NPAS2: variants seen among roughly 807,000 people sequenced by gnomAD.
NPAS2 encodes the protein neuronal PAS domain-containing protein 2.
Under a neutral mutation model 107.5 loss-of-function variants are expected in NPAS2, and 23 were observed. The ratio of observed to expected loss-of-function variants is 0.21; its 90% CI spans 0.15 to 0.30. The LOEUF (loss-of-function observed/expected upper bound fraction) is 0.30, where lower values mean the gene tolerates loss of function less well. Ranked by LOEUF, NPAS2 falls within the 10% of genes least tolerant of loss-of-function variation. The pLI is 1.00. For synonymous variants in NPAS2, 403 were observed against 417.5 expected (o/e 0.97, Z 0.42); for missense variants, 756 against 1,043.3 (o/e 0.72, Z 3.79).
At chr2:100,945,031 T>G (rs1674801204) in intron 5 of NPAS2, among the ~76,000 whole-genome samples, 1 of 152,160 alleles carries the variant, frequency 6.6e-6, no homozygotes, top group Admixed American at 6.5e-5. Flanking sequence ...TCTGTGAACA[T>G]GAGTCATCTT....
At chr2:100,963,974 G>T (rs1676065748) in intron 7 of NPAS2, 84 bp from the exon 8 acceptor site, 3 of 805,928 alleles carry the variant, frequency 3.7e-6, no homozygotes, top group Non-Finnish European at 4.3e-6. Context: ...GCAGCGCTTG[G>T]CTTACAGTTA....
intron 5 of NPAS2, among the ~76,000 whole-genome samples, chr2:100,946,080 G>T (rs547156386): frequency 6.6e-6 from 1 of 152,326 alleles, no homozygotes; most frequent in African/African-American, 2.4e-5. Context: ...CTGTGGTGCA[G>T]GTGCCCTTGT....
At chr2:100,977,641 C>A in intron 14 of NPAS2, 69 bp from the exon 15 acceptor site, 1 of 1,394,244 alleles carries the variant, frequency 7.2e-7, no homozygotes, top group Non-Finnish European at 1.0e-6. Flanking sequence ...CCCACCGGAC[C>A]AAGAGACCAC....
chr2:100,886,100 C>T (rs1272278309), intron 1 of NPAS2, among the ~76,000 whole-genome samples: 3 of 152,202 alleles, frequency 2.0e-5, no homozygotes, highest in Non-Finnish European at 2.9e-5. Context: ...GTTGTGGTCG[C>T]CTGGAAACCA....
chr2:100,964,447 G>A (rs893037228), intron 8 of NPAS2, among the ~76,000 whole-genome samples: 2 of 152,212 alleles, frequency 1.3e-5, no homozygotes, highest in Admixed American at 6.5e-5. Flanking sequence ...TTTCACACCG[G>A]CGTTAATACC....
At chr2:100,861,502 T>G (rs557263737) in intron 1 of NPAS2, among the ~76,000 whole-genome samples, 1 of 152,216 alleles carries the variant, frequency 6.6e-6, no homozygotes, top group African/African-American at 2.4e-5. Flanking sequence ...GGGAGCCGCC[T>G]TGGACAGGGA....
At chr2:100,960,422 G>C (rs1675850716) in intron 7 of NPAS2, among the ~76,000 whole-genome samples, 1 of 151,668 alleles carries the variant, frequency 6.6e-6, no homozygotes, top group Non-Finnish European at 1.5e-5. Flanking sequence ...AATTAGCCTG[G>C]CATTGTGGCA....
At chr2:100,823,353 G>A (rs1676186681) in intron 1 of NPAS2, among the ~76,000 whole-genome samples, 1 of 152,142 alleles carries the variant, frequency 6.6e-6, no homozygotes, top group South Asian at 2.1e-4. Context: ...TTTAAGCAAA[G>A]TCATTTCTTA....
intron 2 of NPAS2, among the ~76,000 whole-genome samples, chr2:100,923,377 G>C (rs1683359964): frequency 6.6e-6 from 1 of 152,212 alleles, no homozygotes. Context: ...AAGATGGGTT[G>C]TGAACATGTG....
Position 100,996,022 on chromosome 2 carries a change from G to A in NPAS2, c.*440G>A, listed in dbSNP as rs1409005698. On this transcript the variant is annotated 3_prime_UTR_variant, in exon 21 of 21. Transcript: ENST00000335681. ...CTGGGTCAGAGATCTGTTGGAGAGA[G>A]AGAATAAAGAGATTATTTTTCATTA... 1 of 1,087,732 alleles carries A rather than the reference G, an allele frequency of 9.2e-7. No individual in the cohort carries two copies. The highest frequency in any genetic ancestry group is 1.2e-6 in the Non-Finnish European group (1 of 849,184). The allele number at this position is 1,087,732 out of a possible 1,614,324, so 67.4% of individuals were successfully genotyped here. A position where few individuals can be genotyped will look rare whatever the true frequency, so the allele number is the denominator to read the frequency against.
intron 5 of NPAS2, among the ~76,000 whole-genome samples, chr2:100,943,591 G>T (rs150327377): frequency 7.2e-5 from 11 of 152,338 alleles, no homozygotes; most frequent in Admixed American, 2.6e-4. Context: ...AGGGCCACAG[G>T]GGGCTGCACG....
At chr2:100,925,411 G>C (rs1057492804) in intron 3 of NPAS2, 117 bp downstream of exon 3, 1 of 1,070,806 alleles carries the variant, frequency 9.3e-7, no homozygotes, top group African/African-American at 1.6e-5. Flanking sequence ...CAGCCTTACC[G>C]GTCGAGGGCT....
At position 100,945,278 on chromosome 2, in the gene NPAS2, C is replaced by T. The variant is rs544342116; in HGVS notation, c.364-2957C>T. ...CTGTGTCCACTGTCCTCACACCCAC[C>T]GGAACACTGACTGCAGGCAGGGAGG... On this transcript the variant is annotated intron_variant, in intron 5 of 20. Transcript: ENST00000335681. Among the ~76,000 whole-genome samples, 9 of 152,264 alleles carry T rather than the reference C, an allele frequency of 5.9e-5. No individual in the cohort carries two copies. The South Asian group carries it at 1.5e-3, about 25-fold the overall frequency.
In NPAS2 at chr2:100,975,662, C is replaced by A. The variant is rs927932448; in HGVS notation, c.1392+95C>A. The A allele has an allele frequency of 3.1e-5, 27 of 883,420 alleles. No individual in the cohort carries two copies. The African/African-American group carries it at 3.7e-4, about 12-fold the overall frequency. 54.7% of individuals were successfully genotyped at this position (883,420 alleles called of 1,614,324 possible). ...ATGTGCTGCGTCTCCCCAGAGAATC[C>A]GTTTTACTTAGGGATTGAGAGTGTA... On this transcript the variant is annotated intron_variant, in intron 14 of 20. Coordinates refer to ENST00000335681, the MANE Select transcript of NPAS2 (RefSeq NM_002518.4).
intron 1 of NPAS2, among the ~76,000 whole-genome samples, chr2:100,886,654 A>G (rs1020987680): frequency 1.3e-5 from 2 of 152,194 alleles, no homozygotes; most frequent in Non-Finnish European, 2.9e-5. Context: ...CTAGTTAAGC[A>G]ACAGTCACGA....
At chr2:100,971,101 C>G (rs376112056) in intron 12 of NPAS2, 27 bp downstream of exon 12, 2 of 1,602,188 alleles carry the variant, frequency 1.2e-6, no homozygotes, top group Admixed American at 1.7e-5. Flanking sequence ...CAGATGGATA[C>G]GGCAAAGGTT....
rs2105151449 is a variant in NPAS2, at chr2:100,964,150, C to T, written c.691C>T (p.Arg231Cys). ...GKEVCFIATV[R>C]LATPQFLKEM... ...GGAGGTTTGCTTCATTGCCACCGTT[C>T]GTCTGGCAACACCACAATTCTTAAA... Residue 231 changes from arginine to cysteine, a missense_variant, in exon 8 of 21, where the codon CGT (arginine) becomes TGT (cysteine). Physicochemically the swap from Arg to Cys is radical, Grantham distance 180. Transcript: ENST00000335681. 1.2e-6 allele frequency: 2 copies of T among 1,612,766 alleles called. No homozygotes were observed. Among genetic ancestry groups the T allele is most frequent in the African/African-American group, 1.3e-5 (1 of 75,004 alleles).
At chr2:100,883,998 T>A (rs1558838523) in intron 1 of NPAS2, among the ~76,000 whole-genome samples, 1 of 152,142 alleles carries the variant, frequency 6.6e-6, no homozygotes, top group Non-Finnish European at 1.5e-5. Context: ...GAGGAGCAGC[T>A]CTTGCTTCCG....
At chr2:100,885,610 G>A (rs574885766) in intron 1 of NPAS2, among the ~76,000 whole-genome samples, 34 of 152,296 alleles carry the variant, frequency 2.2e-4, no homozygotes, top group Middle Eastern at 6.8e-3. Flanking sequence ...TAAATGGAAC[G>A]TTCTTTGTGA....
Sources: gnomAD v4.1 joint callset for allele counts (sites outside exome capture counted in the v4.1 genomes callset) on GRCh38, gnomAD v4.1.1 for gene constraint, MANE v1.5 for transcripts, NCBI Gene and HGNC (gene_info 2026-07-23, HGNC 2026-07-21) for gene names.